The following BTAF1 variants were observed in gnomAD, a reference collection of about 807,000 sequenced individuals.
BTAF1 encodes the protein B-TFIID TATA-box binding protein associated factor 1.
In BTAF1, 38 loss-of-function variants were observed where a neutral mutation model predicts 227.1. The ratio of observed to expected loss-of-function variants is 0.17; its 90% CI spans 0.13 to 0.22. BTAF1 has a LOEUF of 0.22. BTAF1 is among the 10% of genes least tolerant of loss of function. BTAF1 has a pLI of 1.00. For synonymous variants in BTAF1, 742 were observed against 751.9 expected (o/e 0.99, Z 0.21); for missense variants, 1,598 against 2,204.0 (o/e 0.73, Z 5.51).
chr10:91,953,855 T>G lies in BTAF1; in HGVS notation c.683T>G (p.Val228Gly). 1.2e-6 allele frequency: 2 copies of G among 1,613,934 alleles called. No individual in the cohort carries two copies. Among genetic ancestry groups the G allele is most frequent in the Non-Finnish European group, 8.5e-7 (1 of 1,179,910 alleles). Residue 228 changes from valine to glycine, a missense_variant, in exon 6 of 38, where the codon GTG becomes GGG. Val to Gly is a moderately radical substitution (Grantham distance 109). Coordinates refer to ENST00000265990, the MANE Select transcript of BTAF1 (RefSeq NM_003972.3). ...GCAAAACAGAGATCCAGGGATGCAG[T>G]GGAAACTAATGAGAAGAGGTAGTAA... ...LFAKQRSRDA[V>G]ETNEKSNDST...
At chr10:91,982,800 T>C in intron 18 of BTAF1, 39 bp downstream of exon 18, 1 of 1,530,802 alleles carries the variant, frequency 6.5e-7, no homozygotes, top group Non-Finnish European at 8.8e-7. Flanking sequence ...ACAAATTAAG[T>C]AAACCAATTT....
In BTAF1 at chr10:92,031,167, T is replaced by C. The variant is rs751361133; in HGVS notation, c.*2234T>C. On this transcript the variant is annotated 3_prime_UTR_variant, in exon 38 of 38. Coordinates refer to ENST00000265990, the MANE Select transcript of BTAF1 (RefSeq NM_003972.3). ...AGGAAATAGCAAACTGTTAAAAATATAGATTCAGAGATTATTAGTCTTATC... is the reference window on the plus strand; with the variant it reads ...AGGAAATAGCAAACTGTTAAAAATACAGATTCAGAGATTATTAGTCTTATC... 3.9e-5 allele frequency among the ~76,000 whole-genome samples: 6 copies of C among 152,208 alleles called. No homozygotes were observed. The highest frequency in any genetic ancestry group is 7.4e-5 in the Non-Finnish European group (5 of 68,024).
intron 32 of BTAF1, among the ~76,000 whole-genome samples, chr10:92,015,278 C>G (rs1589976338): frequency 6.6e-6 from 1 of 152,090 alleles, no homozygotes; most frequent in East Asian, 1.9e-4. Flanking sequence ...TCAGAATTTT[C>G]TCTTTGAAAA....
chr10:92,028,194 T>TA (rs1338409352), intron 37 of BTAF1, among the ~76,000 whole-genome samples: 1 of 152,216 alleles, frequency 6.6e-6, no homozygotes, highest in Non-Finnish European at 1.5e-5. Flanking sequence ...AAATAGCTTT[T>TA]ATTCTGTTTG....
At chr10:91,974,150 A>G (rs756828912) in intron 14 of BTAF1, among the ~76,000 whole-genome samples, 13 of 152,222 alleles carry the variant, frequency 8.5e-5, no homozygotes, top group Admixed American at 2.6e-4. Context: ...CTATACCTCA[A>G]TAATTCTAAA....
chr10:92,026,637 C>T lies in BTAF1; in HGVS notation c.5121C>T (p.His1707=), dbSNP rs148131738. ...TAGACGTTCTGTTACTTACCACTCA[C>T]GTTGGTGGCCTGGGACTTAATTTGA... ...PSIDVLLLTT[H]VGGLGLNLTG... The change falls in exon 36 of 38, where the codon CAC becomes CAT. Residue 1707 remains histidine (H), a synonymous_variant. Transcript: ENST00000265990. 1.9e-3 allele frequency: 3,082 copies of T among 1,613,820 alleles called. 10 individuals are homozygous for T. The highest frequency in any genetic ancestry group is 2.0e-3 in the Non-Finnish European group (2,306 of 1,179,814).
chr10:91,943,354 T>C (rs1845144676), intron 4 of BTAF1, among the ~76,000 whole-genome samples: 2 of 152,172 alleles, frequency 1.3e-5, no homozygotes, highest in South Asian at 4.1e-4. Context: ...ATTGTCCTAA[T>C]ATTTTTAAAC....
chr10:92,016,348 C>T lies in BTAF1; in HGVS notation c.4593C>T (p.Leu1531=). The change falls in exon 33 of 38, where the codon CTC becomes CTT. Residue 1531 remains leucine (L), a synonymous_variant. Transcript: ENST00000265990. ...YCTLSPLQVQ[L]YEDFAKSRAK... is the part of the protein sequence containing the mutation. ...CGGGGGCCATTTTACAGGTTCAGCT[C>T]TATGAAGATTTTGCTAAGTCTCGTG... 1.3e-6 allele frequency: 2 copies of T among 1,598,444 alleles called. No individual in the cohort carries two copies. The highest frequency in any genetic ancestry group is 1.2e-5 in the South Asian group (1 of 86,612).
At chr10:91,997,457 T>C (rs912113897) in intron 24 of BTAF1, 146 bp from the exon 25 acceptor site, 1 of 678,016 alleles carries the variant, frequency 1.5e-6, no homozygotes, top group African/African-American at 1.8e-5. Flanking sequence ...TATAATTGAA[T>C]CATAGGCCTG....
At position 91,963,475 on chromosome 10, in the gene BTAF1, C is replaced by T. The variant is rs544000349; in HGVS notation, c.1405-602C>T. 1.1e-3 allele frequency among the ~76,000 whole-genome samples: 174 copies of T among 152,050 alleles called. 4 individuals carry two copies. Among genetic ancestry groups the T allele is most frequent in the Non-Finnish European group, 2.1e-3 (145 of 67,968 alleles). On this transcript the variant is annotated intron_variant, in intron 12 of 37. Coordinates refer to ENST00000265990, the MANE Select transcript of BTAF1 (RefSeq NM_003972.3). ...TGATGGGGGAGTCCCCCTATGTTGC[C>T]GAGGCTGGTCTCAAACTCCTAAGCT...
intron 13 of BTAF1, among the ~76,000 whole-genome samples, chr10:91,965,515 G>A (rs1846841575): frequency 6.6e-6 from 1 of 152,168 alleles, no homozygotes; most frequent in African/African-American, 2.4e-5. Flanking sequence ...AGTGGATGGT[G>A]TCAGAAAAAC....
intron 11 of BTAF1, 37 bp downstream of exon 11, chr10:91,960,191 T>A (rs765380698): frequency 2.1e-4 from 337 of 1,587,466 alleles, no homozygotes; most frequent in Non-Finnish European, 2.7e-4. Flanking sequence ...TGTGGGAGAG[T>A]TTTTTCCCCC....
At position 92,011,068 on chromosome 10, in the gene BTAF1, TA is replaced by T; in HGVS notation, c.4104-2del. ...TTTTCTAATTTTATTCATTTCTAAA[TA>T]AAGGTTACAGCACCAAGTAAAAAGG... On this transcript the variant is annotated splice_polypyrimidine_tract_variant and splice_region_variant and intron_variant, in intron 28 of 37. Coordinates refer to ENST00000265990, the MANE Select transcript of BTAF1 (RefSeq NM_003972.3). 6.3e-7 allele frequency: 1 copy of T among 1,592,678 alleles called. No individual in the cohort carries two copies. The highest frequency in any genetic ancestry group is 8.6e-7 in the Non-Finnish European group (1 of 1,167,688).
chr10:91,945,346 TAA>T (rs1218834681), intron 4 of BTAF1, among the ~76,000 whole-genome samples: 1 of 152,196 alleles, frequency 6.6e-6, no homozygotes, highest in Admixed American at 6.5e-5. Flanking sequence ...TTTTAAAACT[TAA>T]GTTTAGTAAT....
In BTAF1 at chr10:91,973,054, A is replaced by C. The variant is rs554086782; in HGVS notation, c.1650+6297A>C. ...ATAATAAAAATCCACTCTCACTTTT[A>C]ATTTGTGTTCCTTTTTCTGAGCTGC... is the stretch of plus-strand genomic sequence containing the variant. On this transcript the variant is annotated intron_variant, in intron 14 of 37. Coordinates refer to ENST00000265990, the MANE Select transcript of BTAF1 (RefSeq NM_003972.3). 2.0e-5 allele frequency among the ~76,000 whole-genome samples: 3 copies of C among 152,230 alleles called. No homozygotes were observed. In the South Asian group the frequency reaches 6.2e-4, roughly 32 times the overall value.
At chr10:92,003,577 A>C (rs921959141) in intron 25 of BTAF1, among the ~76,000 whole-genome samples, 1 of 152,216 alleles carries the variant, frequency 6.6e-6, no homozygotes, top group African/African-American at 2.4e-5. Context: ...AAATGACAAA[A>C]TTACCTTCTT....
chr10:91,941,626 C>T (rs1411304445), intron 3 of BTAF1, among the ~76,000 whole-genome samples: 1 of 152,106 alleles, frequency 6.6e-6, no homozygotes, highest in Admixed American at 6.5e-5. Context: ...TGTGGCTCAG[C>T]CTGTTCCTCA....
At position 91,992,231 on chromosome 10, in the gene BTAF1, T is replaced by A. The variant is rs1178466914; in HGVS notation, c.2967T>A (p.Pro989=). ...AAFAITSRRG[P]TPKAVKAQIA... is the part of the protein sequence containing the mutation. ...TTGCTATCACAAGTAGGCGAGGTCC[T>A]ACCCCCAAAGCAGTAAAAGCTCAAA... The change falls in exon 21 of 38, where the codon CCT becomes CCA. Residue 989 remains proline, a synonymous_variant. Transcript: ENST00000265990. 1 of 1,613,764 alleles carries A rather than the reference T, an allele frequency of 6.2e-7. No homozygotes were observed. The highest frequency in any genetic ancestry group is 8.5e-7 in the Non-Finnish European group (1 of 1,179,950).
At chr10:91,925,364 CTT>C (rs1371068898) in intron 1 of BTAF1, among the ~76,000 whole-genome samples, 1 of 152,044 alleles carries the variant, frequency 6.6e-6, no homozygotes, top group Non-Finnish European at 1.5e-5. Context: ...GATATGTAAA[CTT>C]AATATAACAT....
Sources: gnomAD v4.1 joint callset for allele counts (sites outside exome capture counted in the v4.1 genomes callset) on GRCh38, gnomAD v4.1.1 for gene constraint, MANE v1.5 for transcripts, NCBI Gene and HGNC (gene_info 2026-07-23, HGNC 2026-07-21) for gene names.